Variants in EFEMP1 observed in about 807,000 individuals in gnomAD.
EFEMP1 encodes the protein EGF-containing fibulin-like extracellular matrix protein 1.
In EFEMP1, 18 loss-of-function variants were observed where a neutral mutation model predicts 65.7. The ratio of observed to expected loss-of-function variants is 0.27; its 90% CI spans 0.19 to 0.41. The LOEUF is 0.41. EFEMP1 is among the 10% of genes least tolerant of loss of function. The pLI, the probability that EFEMP1 is intolerant of heterozygous loss-of-function variation, is 1.00. For missense variants in EFEMP1, 469 were observed against 624.8 expected (o/e 0.75, Z 2.66); for synonymous variants, 237 against 219.7 (o/e 1.08, Z -0.70).
At chr2:55,887,694 T>C (rs1669471797) in intron 5 of EFEMP1, among the ~76,000 whole-genome samples, 1 of 152,142 alleles carries the variant, frequency 6.6e-6, no homozygotes, top group East Asian at 1.9e-4. Context: ...TAGATTCTTA[T>C]CAGTTCTGGC....
chr2:55,881,870 A>C, intron 5 of EFEMP1, 136 bp from the exon 6 acceptor site: 1 of 1,160,410 alleles, frequency 8.6e-7, no homozygotes, highest in Non-Finnish European at 1.3e-6. Context: ...AAATGTTTAA[A>C]ATTATAAATT....
chr2:55,922,514 A>T lies in EFEMP1; in HGVS notation c.-7-67T>A. 7.1e-7 allele frequency: 1 copy of T among 1,418,154 alleles called. No individual in the cohort carries two copies. Among genetic ancestry groups the T allele is most frequent in the Non-Finnish European group, 9.9e-7 (1 of 1,007,406 alleles). 87.8% of individuals were successfully genotyped at this position (1,418,154 alleles called of 1,614,324 possible). A position where few individuals can be genotyped will look rare whatever the true frequency, so the allele number is the denominator to read the frequency against. On this transcript the variant is annotated intron_variant, in intron 2 of 11. Transcript: ENST00000355426. The surrounding 1 kb of genome is among the most constrained non-coding windows in gnomAD (Gnocchi z 5.5). ...GCGGGGAAAGTAACAAAACTTTAGC[A>T]GTGAGCACAAGCGAGGAAAGGAGGG...
Position 55,866,949 on chromosome 2 carries a change from A to G in EFEMP1, c.*124T>C. 7.9e-7 allele frequency: 1 copy of G among 1,260,656 alleles called. No homozygotes were observed. The highest frequency in any genetic ancestry group is 1.1e-6 in the Non-Finnish European group (1 of 882,776). The allele number at this position is 1,260,656 out of a possible 1,614,324, so 78.1% of individuals were successfully genotyped here. Reference sequence around the variant, plus strand: ...TTTATACCATGGTGTAATTGTTTGAATTATGGGTGAGTGTACAGTATAGAG... The same window carrying G: ...TTTATACCATGGTGTAATTGTTTGAGTTATGGGTGAGTGTACAGTATAGAG... On this transcript the variant is annotated 3_prime_UTR_variant, in exon 12 of 12. Coordinates refer to ENST00000355426, the MANE Select transcript of EFEMP1 (RefSeq NM_001039348.3).
In EFEMP1 at chr2:55,871,250, CT is replaced by C; in HGVS notation, c.1001-128del. ...GAGCATCTGGACTGTGTTCAACCTGCTTTTAGACACAAGACTGGGTGTTCAT... is the reference window on the plus strand; with the variant it reads ...GAGCATCTGGACTGTGTTCAACCTGCTTTAGACACAAGACTGGGTGTTCAT... On this transcript the variant is annotated intron_variant, in intron 9 of 11. Coordinates refer to ENST00000355426, the MANE Select transcript of EFEMP1 (RefSeq NM_001039348.3). The surrounding 1 kb of genome is among the most constrained non-coding windows in gnomAD (Gnocchi z 4.2). The C allele has an allele frequency of 1.6e-6, 2 of 1,277,684 alleles. No homozygotes were observed. Among genetic ancestry groups the C allele is most frequent in the Non-Finnish European group, 2.2e-6 (2 of 899,188 alleles). The allele number at this position is 1,277,684 out of a possible 1,614,324, so 79.1% of individuals were successfully genotyped here.
chr2:55,896,179 AG>A (rs1669824741), intron 5 of EFEMP1, among the ~76,000 whole-genome samples: 3 of 152,264 alleles, frequency 2.0e-5, no homozygotes, highest in Admixed American at 6.5e-5. Context: ...AAAACAGTTC[AG>A]ATAAATAACA....
At chr2:55,907,361 C>A (rs1046904528) in intron 5 of EFEMP1, among the ~76,000 whole-genome samples, 1 of 152,148 alleles carries the variant, frequency 6.6e-6, no homozygotes, top group Admixed American at 6.6e-5. Context: ...ATTTAGCCTA[C>A]GTAGGCAGGT....
intron 5 of EFEMP1, among the ~76,000 whole-genome samples, chr2:55,895,882 A>C (rs1054652906): frequency 2.0e-5 from 3 of 152,036 alleles, no homozygotes; most frequent in Non-Finnish European, 4.4e-5. Flanking sequence ...CAAACTCACT[A>C]TCTCTGGAAA....
rs1349471027 is a variant in EFEMP1, at chr2:55,873,101, C to CACACAG, written c.1000+1844_1000+1845insCTGTGT. 1.3e-5 allele frequency among the ~76,000 whole-genome samples: 2 copies of CACACAG among 150,942 alleles called. No individual in the cohort carries two copies. Among genetic ancestry groups the CACACAG allele is most frequent in the Non-Finnish European group, 3.0e-5 (2 of 67,774 alleles). ...ACACACACACACACACACACACACA[C>CACACAG]AGTTTTCATTTGTATAGGCCTGTGA... On this transcript the variant is annotated intron_variant, in intron 9 of 11. Transcript: ENST00000355426. The surrounding 1 kb of genome is among the most constrained non-coding windows in gnomAD (Gnocchi z 4.6).
intron 5 of EFEMP1, among the ~76,000 whole-genome samples, chr2:55,889,411 G>C (rs571453158): frequency 2.6e-5 from 4 of 152,116 alleles, no homozygotes; most frequent in African/African-American, 9.7e-5. Flanking sequence ...TTCAGAGAAT[G>C]TTACTTTCTT....
At chr2:55,895,719 T>C (rs1157521224) in intron 5 of EFEMP1, among the ~76,000 whole-genome samples, 1 of 151,730 alleles carries the variant, frequency 6.6e-6, no homozygotes, top group African/African-American at 2.4e-5. Flanking sequence ...TTTTTTGTAT[T>C]TTTAGTAGAG....
In EFEMP1 at chr2:55,873,066, C is replaced by CACACACACACA. The variant is rs55817415; in HGVS notation, c.1000+1879_1000+1880insTGTGTGTGTGT. ...TTCTTTTGTCTCTCTGTCTCTCTCTCCACACACACACACACACACACACAC... is the reference window on the plus strand; with the variant it reads ...TTCTTTTGTCTCTCTGTCTCTCTCTCACACACACACACACACACACACACACACACACACAC... On this transcript the variant is annotated intron_variant, in intron 9 of 11. Transcript: ENST00000355426. This position sits in a 1 kb window ranked among gnomAD's most constrained non-coding sequence, Gnocchi z 4.6. Among the ~76,000 whole-genome samples, 2 of 145,294 alleles carry CACACACACACA rather than the reference C, an allele frequency of 1.4e-5. No homozygotes were observed. The highest frequency in any genetic ancestry group is 2.5e-5 in the African/African-American group (1 of 39,280).
chr2:55,907,225 A>G (rs1287169402), intron 5 of EFEMP1, among the ~76,000 whole-genome samples: 1 of 152,178 alleles, frequency 6.6e-6, no homozygotes, highest in Non-Finnish European at 1.5e-5. Flanking sequence ...GTACCTTCCT[A>G]CTGAAAATAA....
chr2:55,919,538 C>T lies in EFEMP1; in HGVS notation c.82-1271G>A, dbSNP rs954309736. Among the ~76,000 whole-genome samples the T allele has an allele frequency of 7.2e-5, 11 of 152,186 alleles. No individual in the cohort carries two copies. Among genetic ancestry groups the T allele is most frequent in the Admixed American group, 3.9e-4 (6 of 15,280 alleles). ...AAGCTCAGGAAACAATCTGATCAGA[C>T]GCTCATTTGAGAAAGTCACTGTAAG... On this transcript the variant is annotated intron_variant, in intron 3 of 11. Coordinates refer to ENST00000355426, the MANE Select transcript of EFEMP1 (RefSeq NM_001039348.3). The surrounding 1 kb of genome is among the most constrained non-coding windows in gnomAD (Gnocchi z 4.5).
rs200161978 is a variant in EFEMP1, at chr2:55,876,787, T to TAC, written c.761-47_761-46dup. 3,188 of 1,170,672 alleles carry TAC rather than the reference T, an allele frequency of 2.7e-3. 77 individuals are homozygous for TAC. In the African/African-American group the frequency reaches 0.043, roughly 16 times the overall value. 72.5% of individuals were successfully genotyped at this position (1,170,672 alleles called of 1,614,324 possible). On this transcript the variant is annotated intron_variant, in intron 7 of 11. Coordinates refer to ENST00000355426, the MANE Select transcript of EFEMP1 (RefSeq NM_001039348.3). ...ATATATATATGTATATGTATATATATACACACACATATATATATAGACTTT... is the reference window on the plus strand; with the variant it reads ...ATATATATATGTATATGTATATATATACACACACACATATATATATAGACTTT...
At chr2:55,899,934 T>G (rs1437617119) in intron 5 of EFEMP1, among the ~76,000 whole-genome samples, 1 of 152,140 alleles carries the variant, frequency 6.6e-6, no homozygotes, top group Non-Finnish European at 1.5e-5. Flanking sequence ...CTTCTGAACT[T>G]TTGAAAAAAT....
intron 5 of EFEMP1, among the ~76,000 whole-genome samples, chr2:55,897,685 G>A (rs935374775): frequency 3.3e-5 from 5 of 151,996 alleles, no homozygotes; most frequent in African/African-American, 4.8e-5. Flanking sequence ...TTATTAGCTC[G>A]GCAGTCCAGC....
chr2:55,870,092 A>C lies in EFEMP1; in HGVS notation c.1320+628T>G, dbSNP rs1668741956. Among the ~76,000 whole-genome samples, 1 of 152,098 alleles carries C rather than the reference A, an allele frequency of 6.6e-6. No homozygotes were observed. Among genetic ancestry groups the C allele is most frequent in the South Asian group, 2.1e-4 (1 of 4,826 alleles). On this transcript the variant is annotated intron_variant, in intron 11 of 11. Coordinates refer to ENST00000355426, the MANE Select transcript of EFEMP1 (RefSeq NM_001039348.3). The surrounding 1 kb of genome is among the most constrained non-coding windows in gnomAD (Gnocchi z 5.8). ...TTCACACAGGCAATGAAAGATAGGG[A>C]GATGACTCCATACTGCCAGCCCAGA...
At chr2:55,893,262 C>CT (rs539132916) in intron 5 of EFEMP1, among the ~76,000 whole-genome samples, 18 of 151,986 alleles carry the variant, frequency 1.2e-4, no homozygotes, top group Non-Finnish European at 1.9e-4. Context: ...CTTATGCTAG[C>CT]TTTTTTTTAC....
chr2:55,876,946 C>T (rs970383618), intron 7 of EFEMP1, among the ~76,000 whole-genome samples: 12 of 151,978 alleles, frequency 7.9e-5, no homozygotes, highest in Non-Finnish European at 1.3e-4. Flanking sequence ...CAACTACAAA[C>T]GTCTGTCATA....
Sources: allele counts gnomAD v4.1 joint callset (sites outside exome capture counted in the v4.1 genomes callset), GRCh38; gene constraint gnomAD v4.1.1; non-coding constraint Gnocchi (gnomAD v3.1); transcripts MANE v1.5; gene names NCBI Gene and HGNC (gene_info 2026-07-23, HGNC 2026-07-21).